The following GARNL3 variants were observed in gnomAD, a reference collection of about 807,000 sequenced individuals.
GARNL3 encodes GTPase-activating Rap/Ran-GAP domain-like protein 3.
In GARNL3, 63 loss-of-function variants were observed where a neutral mutation model predicts 125.0. That is an observed-to-expected ratio of 0.50 (90% CI 0.41 to 0.62). The LOEUF is 0.62. Ranked by LOEUF, GARNL3 falls within the 20% of genes least tolerant of loss-of-function variation. The probability of loss-of-function intolerance (pLI) is 0.00; values close to 1 mark genes in which losing one functional copy is unlikely to be tolerated. For synonymous variants in GARNL3, 439 were observed against 457.5 expected (o/e 0.96, Z 0.52); for missense variants, 994 against 1,244.0 (o/e 0.80, Z 3.02).
chr9:127,320,884 C>G, intron 6 of GARNL3, 106 bp downstream of exon 6: 1 of 722,974 alleles, frequency 1.4e-6, no homozygotes, highest in East Asian at 2.7e-5. Flanking sequence ...AGCCAAATCA[C>G]CTATGCAACT....
intron 2 of GARNL3, among the ~76,000 whole-genome samples, chr9:127,301,847 T>C (rs1287727486): frequency 6.6e-6 from 1 of 151,704 alleles, no homozygotes; most frequent in Non-Finnish European, 1.5e-5. Flanking sequence ...CACTTGTATG[T>C]ATCAATTAGT....
At chr9:127,255,757 A>G (rs1380089611) in intron 2 of GARNL3, among the ~76,000 whole-genome samples, 1 of 152,204 alleles carries the variant, frequency 6.6e-6, no homozygotes, top group Non-Finnish European at 1.5e-5. Context: ...TCTTGTTAAA[A>G]TGCTGATTCA....
intron 20 of GARNL3, among the ~76,000 whole-genome samples, chr9:127,355,757 A>C (rs1475596981): frequency 2.6e-5 from 4 of 152,246 alleles, no homozygotes; most frequent in Non-Finnish European, 4.4e-5. Context: ...AACAGAAATA[A>C]GCAAATAAAG....
At chr9:127,361,811 A>C (rs1400241792) in intron 21 of GARNL3, 2 of 152,236 alleles carry the variant, frequency 1.3e-5, no homozygotes, top group Non-Finnish European at 2.9e-5. Flanking sequence ...GTCATTGTGC[A>C]TAGATCTTGG....
chr9:127,313,208 C>A, intron 3 of GARNL3: 1 of 505,740 alleles, frequency 2.0e-6, no homozygotes, highest in Non-Finnish European at 3.6e-6. Flanking sequence ...TGGCAGATTT[C>A]TCCAGTCTCA....
chr9:127,344,118 A>G (rs1830011341), intron 14 of GARNL3, 117 bp from the exon 15 acceptor site: 1 of 716,566 alleles, frequency 1.4e-6, no homozygotes, highest in African/African-American at 1.8e-5. Flanking sequence ...TATTGAGTGA[A>G]TGAAACAGAA....
chr9:127,368,327 T>C (rs556459550), intron 22 of GARNL3, among the ~76,000 whole-genome samples: 1 of 138,836 alleles, frequency 7.2e-6, no homozygotes, highest in African/African-American at 2.6e-5. Context: ...CCAAAATACA[T>C]TTCTTTTTTT....
At chr9:127,315,931 G>A (rs139063769) in intron 4 of GARNL3, among the ~76,000 whole-genome samples, 407 of 152,302 alleles carry the variant, frequency 2.7e-3, no homozygotes, top group African/African-American at 9.2e-3. Flanking sequence ...AATCTTCGAT[G>A]TGCACTTCTG....
chr9:127,377,321 G>A (rs1011951570), intron 22 of GARNL3, among the ~76,000 whole-genome samples: 2 of 138,272 alleles, frequency 1.4e-5, no homozygotes, highest in Non-Finnish European at 3.4e-5. Context: ...TAAAGATAAC[G>A]TTAGGACAAT....
intron 16 of GARNL3, among the ~76,000 whole-genome samples, chr9:127,347,371 A>G (rs961943262): frequency 6.6e-6 from 1 of 152,184 alleles, no homozygotes; most frequent in Non-Finnish European, 1.5e-5. Flanking sequence ...GCAGTGAGCC[A>G]TGTTCACACC....
At chr9:127,339,121 C>T (rs946563245) in intron 12 of GARNL3, among the ~76,000 whole-genome samples, 4 of 152,032 alleles carry the variant, frequency 2.6e-5, no homozygotes, top group African/African-American at 7.2e-5. Flanking sequence ...CACGATGAAA[C>T]CCCGTCTGTA....
upstream of GARNL3, among the ~76,000 whole-genome samples, chr9:127,259,748 A>G (rs2063551474): frequency 1.3e-5 from 2 of 152,154 alleles, no homozygotes; most frequent in African/African-American, 2.4e-5. Context: ...TATTACTAAT[A>G]AGAGCTGGCT....
At chr9:127,375,549 C>T (rs1831858579) in intron 22 of GARNL3, among the ~76,000 whole-genome samples, 1 of 151,822 alleles carries the variant, frequency 6.6e-6, no homozygotes, top group Admixed American at 6.6e-5. Flanking sequence ...TTCATAGCAG[C>T]ATTATTTGTA....
rs147228398 is a variant in GARNL3, at chr9:127,243,837, T to C, written c.143+588T>C. Among the ~76,000 whole-genome samples, 1,285 of 152,332 alleles carry C rather than the reference T, an allele frequency of 8.4e-3. 9 individuals are homozygous for C. The highest frequency in any genetic ancestry group is 0.014 in the Non-Finnish European group (969 of 68,024). ...CTCCTGAATCCCCAGGCCTTTGTTA[T>C]GGTGTATGATAATACTCGGATGAAT... On this transcript the variant is annotated intron_variant, in intron 2 of 10. Transcript: ENST00000439286.
chr9:127,264,563 T>C, upstream of GARNL3: 1 of 1,040,572 alleles, frequency 9.6e-7, no homozygotes, highest in Non-Finnish European at 1.2e-6. Flanking sequence ...TGAAAGATAA[T>C]TGCAAGATCC....
chr9:127,241,155 C>G (rs1408774980), intron 1 of GARNL3, among the ~76,000 whole-genome samples: 2 of 151,106 alleles, frequency 1.3e-5, no homozygotes, highest in Non-Finnish European at 2.9e-5. Context: ...AGGGCTCTGC[C>G]TGAAACTGAA....
chr9:127,326,153 C>A (rs1165351200), intron 7 of GARNL3, among the ~76,000 whole-genome samples: 1 of 152,210 alleles, frequency 6.6e-6, no homozygotes, highest in Non-Finnish European at 1.5e-5. Context: ...CCTTCCCTGA[C>A]CACTCTGTCT....
chr9:127,372,772 C>A (rs7027098), intron 22 of GARNL3, among the ~76,000 whole-genome samples: 75,352 of 152,028 alleles, frequency 0.5, 19,394 homozygotes, highest in East Asian at 0.69. Flanking sequence ...ACTTTAAACT[C>A]TACCCAGATA....
intron 6 of GARNL3, among the ~76,000 whole-genome samples, chr9:127,321,719 T>G (rs1400874252): frequency 6.6e-6 from 1 of 152,176 alleles, no homozygotes; most frequent in Non-Finnish European, 1.5e-5. Flanking sequence ...GCCTGTCATG[T>G]GTGAAGCTGA....
Sources: gnomAD v4.1 joint callset for allele counts (sites outside exome capture counted in the v4.1 genomes callset) on GRCh38, gnomAD v4.1.1 for gene constraint, MANE v1.5 for transcripts, NCBI Gene and HGNC (gene_info 2026-07-23, HGNC 2026-07-21) for gene names.